Variants in PLSCR4 observed in about 807,000 individuals in gnomAD.
PLSCR4 encodes phospholipid scramblase 4, also known as Ca(2+)-dependent phospholipid scramblase 4.
Under a neutral mutation model 36.3 loss-of-function variants are expected in PLSCR4, and 25 were observed. The ratio of observed to expected loss-of-function variants is 0.69; its 90% CI spans 0.50 to 0.96. The LOEUF (loss-of-function observed/expected upper bound fraction) is 0.96. Ranked by LOEUF, PLSCR4 falls within the 40% of genes least tolerant of loss-of-function variation. The pLI, the probability that PLSCR4 is intolerant of heterozygous loss-of-function variation, is 0.00. For synonymous variants in PLSCR4, 122 were observed against 132.9 expected, an observed-to-expected ratio of 0.92 and a Z score of 0.56; for missense variants, 408 against 414.7, an observed-to-expected ratio of 0.98 and a Z score of 0.14.
At chr3:146,200,168 T>C in intron 5 of PLSCR4, 129 bp from the exon 6 acceptor site, 2 of 608,096 alleles carry the variant, frequency 3.3e-6, no homozygotes, top group South Asian at 4.2e-5. Context: ...ATATGTAGAA[T>C]TGATTAGAGT....
At chr3:146,208,746 C>T (rs932846399) in intron 3 of PLSCR4, among the ~76,000 whole-genome samples, 7 of 151,922 alleles carry the variant, frequency 4.6e-5, no homozygotes, top group African/African-American at 1.7e-4. Flanking sequence ...TGGCCATAAT[C>T]AAAAACTCAA....
rs2033534630 is a variant in PLSCR4 at position 146,193,603 on chromosome 3, T to C, written c.*808A>G. The C allele has an allele frequency of 6.6e-6, 1 of 152,190 alleles. No homozygotes were observed. The highest frequency in any genetic ancestry group is 2.4e-5 in the African/African-American group (1 of 41,442). The allele number at this position is 152,190 out of a possible 1,614,324, so 9.4% of individuals were successfully genotyped here. ...GTTATGAATTAAATGTACAAATGTA[T>C]TATGTATAAATGTATTAAATGCAAG... On this transcript the variant is annotated 3_prime_UTR_variant, in exon 9 of 9. Transcript: ENST00000354952.
chr3:146,201,544 C>T (rs1056057763), intron 4 of PLSCR4, among the ~76,000 whole-genome samples: 2 of 152,072 alleles, frequency 1.3e-5, no homozygotes, highest in African/African-American at 4.8e-5. Flanking sequence ...CAGGGTGAAC[C>T]TCACATGGAG....
chr3:146,241,758 C>G (rs574854429), intron 1 of PLSCR4, among the ~76,000 whole-genome samples: 2 of 152,286 alleles, frequency 1.3e-5, no homozygotes, highest in African/African-American at 4.8e-5. Flanking sequence ...AGACCACATT[C>G]TGGCTCATAA....
chr3:146,194,358 C>G lies in PLSCR4; in HGVS notation c.*53G>C, dbSNP rs1349537486. On this transcript the variant is annotated 3_prime_UTR_variant, in exon 9 of 9. Coordinates refer to ENST00000354952, the MANE Select transcript of PLSCR4 (RefSeq NM_020353.3). ...ACTGAGTGCTGACTGTAAGCCCAAT[C>G]CAACTTTTCCATTTTTCAAAATTAA... The G allele has an allele frequency of 4.1e-6, 5 of 1,230,954 alleles. No individual in the cohort carries two copies. Among genetic ancestry groups the G allele is most frequent in the Non-Finnish European group, 6.0e-6 (5 of 832,228 alleles). 76.3% of individuals were successfully genotyped at this position (1,230,954 alleles called of 1,614,324 possible). A position where few individuals can be genotyped will look rare whatever the true frequency, so the allele number is the denominator to read the frequency against.
intron 1 of PLSCR4, among the ~76,000 whole-genome samples, chr3:146,248,548 T>TTAA (rs2036434739): frequency 1.0e-5 from 1 of 95,690 alleles, no homozygotes; most frequent in Non-Finnish European, 2.5e-5. Context: ...TTTAACTTTA[T>TTAA]GTTTTGGACA....
rs941947056 is a variant in PLSCR4 at position 146,203,631 on chromosome 3, TC to T, written c.355-2555del. Among the ~76,000 whole-genome samples, 4 of 151,964 alleles carry T rather than the reference TC, an allele frequency of 2.6e-5. No individual in the cohort carries two copies. The East Asian group carries it at 7.7e-4, about 29-fold the overall frequency. The stretch of plus-strand genomic sequence containing the variant: ...TTCTATGTTACAAAAGTGCCTTTTT[TC>T]CCCCCTTAAGCCTTGTGAGCCAACC... On this transcript the variant is annotated intron_variant, in intron 4 of 8. Coordinates refer to ENST00000354952, the MANE Select transcript of PLSCR4 (RefSeq NM_020353.3).
At chr3:146,198,643 G>T (rs1347696777) in intron 6 of PLSCR4, among the ~76,000 whole-genome samples, 2 of 151,974 alleles carry the variant, frequency 1.3e-5, no homozygotes, top group African/African-American at 4.8e-5. Flanking sequence ...CTGGCCTCAA[G>T]TGATCCTCCC....
chr3:146,238,351 A>T (rs1320973680), intron 1 of PLSCR4, among the ~76,000 whole-genome samples: 1 of 152,024 alleles, frequency 6.6e-6, no homozygotes, highest in African/African-American at 2.4e-5. Context: ...AGACAACACA[A>T]CAAAACTACA....
At chr3:146,244,285 A>C (rs2036262554) in intron 1 of PLSCR4, among the ~76,000 whole-genome samples, 1 of 152,164 alleles carries the variant, frequency 6.6e-6, no homozygotes, top group Non-Finnish European at 1.5e-5. Flanking sequence ...AACATAATGG[A>C]ACATGAATTT....
At chr3:146,246,403 T>C (rs2036340509) in intron 1 of PLSCR4, among the ~76,000 whole-genome samples, 1 of 152,052 alleles carries the variant, frequency 6.6e-6, no homozygotes, top group Admixed American at 6.5e-5. Context: ...TCATTCTTTT[T>C]AGCAAGTGTG....
intron 1 of PLSCR4, among the ~76,000 whole-genome samples, chr3:146,234,413 TG>T (rs778169608): frequency 4.6e-5 from 7 of 152,184 alleles, no homozygotes; most frequent in Non-Finnish European, 1.0e-4. Flanking sequence ...TCCCAGATCC[TG>T]GAAGTCTCAC....
At chr3:146,230,858 T>C (rs961828021) in intron 1 of PLSCR4, among the ~76,000 whole-genome samples, 1 of 152,152 alleles carries the variant, frequency 6.6e-6, no homozygotes, top group Non-Finnish European at 1.5e-5. Flanking sequence ...TTTGTTATTA[T>C]TTTTCCTTTT....
chr3:146,209,039 T>C (rs1056940774), intron 3 of PLSCR4, among the ~76,000 whole-genome samples: 1 of 151,842 alleles, frequency 6.6e-6, no homozygotes, highest in Non-Finnish European at 1.5e-5. Context: ...TAAAGAAAAA[T>C]GTGGGATTAC....
intron 4 of PLSCR4, among the ~76,000 whole-genome samples, chr3:146,202,644 T>C (rs965668928): frequency 2.6e-5 from 4 of 152,070 alleles, no homozygotes; most frequent in Non-Finnish European, 5.9e-5. Flanking sequence ...TGACTGACTC[T>C]TCTCTGCATG....
chr3:146,211,931 G>A (rs976000990), intron 3 of PLSCR4, among the ~76,000 whole-genome samples: 5 of 151,952 alleles, frequency 3.3e-5, no homozygotes, highest in Non-Finnish European at 5.9e-5. Context: ...CTTTATGCTA[G>A]TACTGTGGTA....
intron 1 of PLSCR4, among the ~76,000 whole-genome samples, chr3:146,245,894 T>G (rs763871378): frequency 6.6e-6 from 1 of 152,142 alleles, no homozygotes; most frequent in Non-Finnish European, 1.5e-5. Context: ...ATCCTCTTTA[T>G]AGACTTTAAG....
chr3:146,214,612 G>A (rs73865353), intron 3 of PLSCR4, among the ~76,000 whole-genome samples: 1,677 of 152,036 alleles, frequency 0.011, 30 homozygotes, highest in African/African-American at 0.038. Flanking sequence ...TGGGGTAGAA[G>A]AATATACTCT....
At chr3:146,194,704 A>T (rs1253749588) in intron 8 of PLSCR4, among the ~76,000 whole-genome samples, 4 of 152,160 alleles carry the variant, frequency 2.6e-5, no homozygotes, top group Non-Finnish European at 5.9e-5. Context: ...TAATCTCAGG[A>T]TTGGACAACC....
Sources: gnomAD v4.1 joint callset for allele counts (sites outside exome capture counted in the v4.1 genomes callset) on GRCh38, gnomAD v4.1.1 for gene constraint, MANE v1.5 for transcripts, NCBI Gene and HGNC (gene_info 2026-07-23, HGNC 2026-07-21) for gene names.